The following GLCE variants were observed in gnomAD, a reference collection of about 807,000 sequenced individuals.
GLCE encodes the protein D-glucuronyl C5-epimerase.
GLCE carries 19 observed loss-of-function variants against 47.9 expected under a neutral mutation model. The observed-to-expected ratio is 0.40, with a 90% CI of 0.28 to 0.58. GLCE has a LOEUF of 0.58. Ranked by LOEUF, GLCE falls within the 20% of genes least tolerant of loss-of-function variation. GLCE has a pLI of 0.48. For missense variants in GLCE, 556 were observed against 743.3 expected (o/e 0.75, Z 2.93); for synonymous variants, 245 against 263.4 (o/e 0.93, Z 0.68).
At chr15:69,204,540 C>T (rs1041473001) in intron 1 of GLCE, among the ~76,000 whole-genome samples, 1 of 152,024 alleles carries the variant, frequency 6.6e-6, no homozygotes, top group African/African-American at 2.4e-5. Flanking sequence ...CCACCTTGGC[C>T]TCCCAAAGTC....
chr15:69,170,886 T>G (rs1430930635), intron 1 of GLCE, among the ~76,000 whole-genome samples: 1 of 152,200 alleles, frequency 6.6e-6, no homozygotes, highest in Non-Finnish European at 1.5e-5. Context: ...AAGCCAAGTT[T>G]TTGAAAATTA....
chr15:69,167,182 C>T (rs529939511), intron 1 of GLCE, among the ~76,000 whole-genome samples: 1 of 152,292 alleles, frequency 6.6e-6, no homozygotes, highest in South Asian at 2.1e-4. Context: ...CGCCACTGCA[C>T]TCAGGCTGGG....
intron 4 of GLCE, among the ~76,000 whole-genome samples, chr15:69,263,216 A>G (rs2053038276): frequency 6.6e-6 from 1 of 152,156 alleles, no homozygotes; most frequent in Admixed American, 6.5e-5. Flanking sequence ...CATGGGAGTT[A>G]TTGCTCAGAA....
chr15:69,208,601 C>T (rs114136061), intron 1 of GLCE, among the ~76,000 whole-genome samples: 4,234 of 152,116 alleles, frequency 0.028, 203 homozygotes, highest in African/African-American at 0.096. Context: ...GTTTTGTCTT[C>T]TCTAGTTCTT....
At chr15:69,223,312 A>T (rs1436293185) in intron 2 of GLCE, among the ~76,000 whole-genome samples, 1 of 152,094 alleles carries the variant, frequency 6.6e-6, no homozygotes, top group Non-Finnish European at 1.5e-5. Flanking sequence ...TTTGAAGGAC[A>T]CTTTTGCCGG....
chr15:69,268,616 G>A lies in GLCE; in HGVS notation c.1226G>A (p.Ser409Asn). ...CACATGGCTGCATTTTTTGCTGCTA[G>A]TGATTGGCTAGTAAGGAACCAGGAT... ...TAHMAAFFAA[S>N]DWLVRNQDEK... Residue 409 changes from serine (S) to asparagine (N), a missense_variant, in exon 5 of 5, where the codon AGT becomes AAT. By Grantham distance (46) the Ser-to-Asn change is conservative (BLOSUM62 1). This residue lies in a region of GLCE where 245 missense variants were observed against 368.1 expected (regional missense o/e 0.67). Coordinates refer to ENST00000261858, the MANE Select transcript of GLCE (RefSeq NM_015554.3). 6.2e-7 allele frequency: 1 copy of A among 1,614,204 alleles called. No homozygotes were observed. Among genetic ancestry groups the A allele is most frequent in the African/African-American group, 1.3e-5 (1 of 75,062 alleles).
chr15:69,188,265 A>T (rs2051858535), intron 1 of GLCE, among the ~76,000 whole-genome samples: 2 of 152,034 alleles, frequency 1.3e-5, no homozygotes, highest in Admixed American at 1.3e-4. Context: ...AAAACAAAAA[A>T]ACACAACTTG....
At chr15:69,267,222 T>A (rs946123455) in intron 4 of GLCE, among the ~76,000 whole-genome samples, 2 of 152,226 alleles carry the variant, frequency 1.3e-5, no homozygotes, top group Admixed American at 1.3e-4. Flanking sequence ...GCTTTAACTT[T>A]TTGACCTCTG....
At chr15:69,221,236 G>T (rs2052373108) in intron 2 of GLCE, among the ~76,000 whole-genome samples, 1 of 152,170 alleles carries the variant, frequency 6.6e-6, no homozygotes, top group Non-Finnish European at 1.5e-5. Flanking sequence ...GGTCCTTTGA[G>T]ATTCCATGTG....
intron 1 of GLCE, chr15:69,197,348 C>A: frequency 4.1e-6 from 1 of 242,920 alleles, no homozygotes. Flanking sequence ...TTTATCGAAT[C>A]CCAGATCACA....
intron 1 of GLCE, among the ~76,000 whole-genome samples, chr15:69,180,355 A>G (rs1388669007): frequency 6.6e-6 from 1 of 152,062 alleles, no homozygotes; most frequent in African/African-American, 2.4e-5. Flanking sequence ...AAAAATCCCT[A>G]CCCCTACCCT....
chr15:69,235,853 G>A (rs893240448), intron 2 of GLCE, among the ~76,000 whole-genome samples: 1 of 152,092 alleles, frequency 6.6e-6, no homozygotes, highest in African/African-American at 2.4e-5. Context: ...GATGAGTTTT[G>A]TCGGATGAAT....
chr15:69,181,852 G>A (rs1004141823), intron 1 of GLCE, among the ~76,000 whole-genome samples: 1 of 151,546 alleles, frequency 6.6e-6, no homozygotes, highest in Non-Finnish European at 1.5e-5. Context: ...AGAAAAAAAT[G>A]GAAAATTTGA....
chr15:69,226,049 CACACACACACACACACACACACACA>C (rs2052442243), intron 2 of GLCE, among the ~76,000 whole-genome samples: 1 of 11,502 alleles, frequency 8.7e-5, no homozygotes, highest in South Asian at 1.9e-3. Context: ...CATGCACAGA[CACACACACACACACACACACACACA>C]GACACACACA....
chr15:69,228,963 TA>T (rs1481500327), intron 2 of GLCE, among the ~76,000 whole-genome samples: 1 of 152,102 alleles, frequency 6.6e-6, no homozygotes, highest in African/African-American at 2.4e-5. Context: ...GCTGGGATTA[TA>T]AATTTCTTTA....
chr15:69,246,728 A>C (rs2052755245), intron 2 of GLCE, among the ~76,000 whole-genome samples: 1 of 151,958 alleles, frequency 6.6e-6, no homozygotes, highest in Non-Finnish European at 1.5e-5. Flanking sequence ...AAAAAAAAAA[A>C]AAAAAAGACA....
chr15:69,259,047 C>T (rs2052975951), intron 3 of GLCE, among the ~76,000 whole-genome samples: 2 of 152,080 alleles, frequency 1.3e-5, no homozygotes, highest in Non-Finnish European at 2.9e-5. Context: ...ATGAGGGTGC[C>T]GTTTTCACCC....
intron 1 of GLCE, among the ~76,000 whole-genome samples, chr15:69,188,123 G>A (rs1269244605): frequency 6.6e-6 from 1 of 151,972 alleles, no homozygotes; most frequent in African/African-American, 2.4e-5. Context: ...CATGCCTGTA[G>A]TCCTAGCTAC....
At chr15:69,187,698 A>G (rs779816870) in intron 1 of GLCE, among the ~76,000 whole-genome samples, 1 of 152,222 alleles carries the variant, frequency 6.6e-6, no homozygotes, top group Non-Finnish European at 1.5e-5. Context: ...CCTATATAAA[A>G]GGTTTTCGTT....
Sources: gnomAD v4.1 joint callset for allele counts (sites outside exome capture counted in the v4.1 genomes callset) on GRCh38, gnomAD v4.1.1 for gene constraint, gnomAD v4.1.1 regional missense constraint, MANE v1.5 for transcripts, NCBI Gene and HGNC (gene_info 2026-07-23, HGNC 2026-07-21) for gene names.